Variants in KIAA1671 observed in about 807,000 individuals in gnomAD.
KIAA1671 encodes uncharacterized protein KIAA1671.
KIAA1671 carries 52 observed loss-of-function variants against 131.2 expected under a neutral mutation model. The ratio of observed to expected loss-of-function variants is 0.40; its 90% CI spans 0.32 to 0.50. The LOEUF is 0.50. Ranked by LOEUF, KIAA1671 falls within the 20% of genes least tolerant of loss-of-function variation. The pLI, the probability that KIAA1671 is intolerant of heterozygous loss-of-function variation, is 0.73. For missense variants in KIAA1671, 2,360 were observed against 2,364.2 expected (o/e 1.00, Z 0.04); for synonymous variants, 1,003 against 961.6 (o/e 1.04, Z -0.80).
intron 6 of KIAA1671, among the ~76,000 whole-genome samples, chr22:25,168,358 A>C (rs1933716420): frequency 6.6e-6 from 1 of 152,214 alleles, no homozygotes; most frequent in African/African-American, 2.4e-5. Context: ...TCTGTTGTGT[A>C]ATATAAATTA....
rs1443628030 is a variant in KIAA1671 at position 25,028,185 on chromosome 22, T to A, written c.186T>A (p.Pro62=). The change falls in exon 3 of 13, where the codon CCT becomes CCA. Residue 62 remains proline (P), a synonymous_variant. Transcript: ENST00000358431. ...SPLRSPARLL[P]LPRLAPKPFS... The stretch of plus-strand genomic sequence containing the variant: ...TGCGGAGCCCGGCCCGGTTACTCCC[T>A]CTGCCAAGGCTCGCCCCCAAACCCT... 1 of 1,549,744 alleles carries A rather than the reference T, an allele frequency of 6.5e-7. No homozygotes were observed. The highest frequency in any genetic ancestry group is 1.4e-5 in the African/African-American group (1 of 73,016).
intron 1 of KIAA1671, among the ~76,000 whole-genome samples, chr22:24,990,954 G>A (rs1923809140): frequency 6.6e-6 from 1 of 152,096 alleles, no homozygotes; most frequent in Admixed American, 6.5e-5. Context: ...TCCCACCCCT[G>A]GCCCAGGGCT....
At position 25,039,652 on chromosome 22, in the gene KIAA1671, A is replaced by G. The variant is rs1430812916; in HGVS notation, c.2522A>G (p.His841Arg). The change falls in exon 5 of 13, where the codon CAC becomes CGC. Residue 841 changes from histidine (H) to arginine (R), a missense_variant. Transcript: ENST00000358431. The part of the protein sequence containing the change: ...HKATVAVSEE[H>R]CAPGATSVRA... The stretch of plus-strand genomic sequence containing the variant: ...GCCACCGTGGCAGTCAGCGAAGAGC[A>G]CTGTGCTCCCGGGGCCACCTCCGTC... 9 of 1,541,616 alleles carry G rather than the reference A, an allele frequency of 5.8e-6. No homozygotes were observed. In the African/African-American group the frequency reaches 1.2e-4, roughly 21 times the overall value.
At chr22:25,025,086 T>C (rs1423245536) in intron 1 of KIAA1671, among the ~76,000 whole-genome samples, 3 of 53,046 alleles carry the variant, frequency 5.7e-5, no homozygotes, top group Admixed American at 2.3e-4. Flanking sequence ...ATACCGCTAA[T>C]GTAGCTACCA....
chr22:25,078,003 AT>A (rs5844621), intron 6 of KIAA1671, among the ~76,000 whole-genome samples: 3,817 of 152,218 alleles, frequency 0.025, 87 homozygotes, highest in East Asian at 0.13. Flanking sequence ...TGAGGGGTGG[AT>A]TTTATTATTA....
chr22:25,059,769 C>A (rs1270615555), intron 6 of KIAA1671: 1 of 152,196 alleles, frequency 6.6e-6, no homozygotes, highest in Non-Finnish European at 1.5e-5. Context: ...CAGTACCTTG[C>A]TGCCCCTCCC....
At chr22:25,123,142 G>T (rs968204081) in intron 6 of KIAA1671, among the ~76,000 whole-genome samples, 11 of 149,546 alleles carry the variant, frequency 7.4e-5, no homozygotes, top group Admixed American at 4.0e-4. Context: ...GCTGTACTGG[G>T]TTGGTCAGTG....
chr22:25,036,247 A>T (rs1397035162), intron 4 of KIAA1671, among the ~76,000 whole-genome samples: 1 of 151,826 alleles, frequency 6.6e-6, no homozygotes, highest in African/African-American at 2.4e-5. Context: ...CACCTGGCTA[A>T]TTTTGTGTTT....
intron 1 of KIAA1671, among the ~76,000 whole-genome samples, chr22:25,001,567 G>A (rs897932879): frequency 3.9e-5 from 6 of 152,176 alleles, no homozygotes; most frequent in Admixed American, 2.6e-4. Context: ...CTGGGGTGGG[G>A]GAGATTGGCC....
chr22:24,990,614 C>T (rs971835858), intron 1 of KIAA1671, among the ~76,000 whole-genome samples: 3 of 152,252 alleles, frequency 2.0e-5, no homozygotes, highest in African/African-American at 7.2e-5. Context: ...TCCAACCCAG[C>T]GCTGACATGG....
intron 1 of KIAA1671, among the ~76,000 whole-genome samples, chr22:24,981,424 A>G (rs1441895491): frequency 3.3e-5 from 5 of 152,142 alleles, no homozygotes; most frequent in Non-Finnish European, 5.9e-5. Context: ...GGAGCCCCGC[A>G]TCGCATTCTT....
intron 1 of KIAA1671, among the ~76,000 whole-genome samples, chr22:25,000,178 T>C (rs1170634191): frequency 5.7e-5 from 7 of 123,662 alleles, no homozygotes; most frequent in Admixed American, 2.6e-4. Context: ...CCACTGCTCC[T>C]CGCCTGTTTT....
chr22:25,025,628 C>T lies in KIAA1671; in HGVS notation c.-207-5C>T, dbSNP rs1925910886. The T allele has an allele frequency of 6.6e-6, 1 of 152,264 alleles. No individual in the cohort carries two copies. Among genetic ancestry groups the T allele is most frequent in the African/African-American group, 2.4e-5 (1 of 41,448 alleles). The allele number at this position is 152,264 out of a possible 1,614,324, so 9.4% of individuals were successfully genotyped here. A position where few individuals can be genotyped will look rare whatever the true frequency, so the allele number is the denominator to read the frequency against. ...AACTGAGGCTGTCATCCTGTGTCTCCTTAGACCTGCTGAAACTCAGCCTGC... is the reference window on the plus strand; with the variant it reads ...AACTGAGGCTGTCATCCTGTGTCTCTTTAGACCTGCTGAAACTCAGCCTGC... On this transcript the variant is annotated splice_polypyrimidine_tract_variant and splice_region_variant and intron_variant, in intron 1 of 12. Transcript: ENST00000358431.
At chr22:25,143,471 T>G (rs942541407) in intron 6 of KIAA1671, among the ~76,000 whole-genome samples, 5 of 152,228 alleles carry the variant, frequency 3.3e-5, no homozygotes, top group Non-Finnish European at 7.3e-5. Flanking sequence ...ATAAAAACAT[T>G]GCTGTGAAAA....
intron 6 of KIAA1671, among the ~76,000 whole-genome samples, chr22:25,157,812 T>C (rs1324162210): frequency 2.0e-5 from 3 of 151,084 alleles, no homozygotes; most frequent in Non-Finnish European, 4.4e-5. Context: ...TTTTTTTTTT[T>C]CCTGTTCTTT....
intron 6 of KIAA1671, among the ~76,000 whole-genome samples, chr22:25,158,969 G>A (rs55941025): frequency 0.012 from 1,814 of 152,252 alleles, 25 homozygotes; most frequent in Non-Finnish European, 0.016. Flanking sequence ...CAGGCATGCA[G>A]TTGGCGCTTC....
chr22:25,182,625 T>C (rs1743522170), intron 10 of KIAA1671, among the ~76,000 whole-genome samples: 2 of 152,226 alleles, frequency 1.3e-5, no homozygotes, highest in Non-Finnish European at 2.9e-5. Flanking sequence ...ACCAACTTAC[T>C]TGGCTTTCAC....
At position 25,020,361 on chromosome 22, in the gene KIAA1671, T is replaced by C. The variant is rs990291784; in HGVS notation, c.-207-5272T>C. Among the ~76,000 whole-genome samples the C allele has an allele frequency of 2.8e-4, 42 of 152,296 alleles. No individual in the cohort carries two copies. The East Asian group carries it at 8.1e-3, about 29-fold the overall frequency. ...TGGGTCTCAAAAATGTTGTTGAAAG[T>C]GAATATTGCCGAATTGCTTTTACAA... On this transcript the variant is annotated intron_variant, in intron 1 of 12. Coordinates refer to ENST00000358431, the MANE Select transcript of KIAA1671 (RefSeq NM_001145206.2).
intron 1 of KIAA1671, among the ~76,000 whole-genome samples, chr22:24,985,430 C>A (rs1923469314): frequency 8.5e-6 from 1 of 117,874 alleles, no homozygotes; most frequent in Non-Finnish European, 1.8e-5. Flanking sequence ...AGCTCCGCCT[C>A]CCGGGTTCAC....
Sources: allele counts gnomAD v4.1 joint callset (sites outside exome capture counted in the v4.1 genomes callset), GRCh38; gene constraint gnomAD v4.1.1; transcripts MANE v1.5; gene names NCBI Gene and HGNC (gene_info 2026-07-23, HGNC 2026-07-21).